Variants in HDAC9 observed in about 807,000 individuals in gnomAD.
HDAC9 encodes MEF-2 interacting transcription repressor (MITR) protein.
In HDAC9, 41 loss-of-function variants were observed where a neutral mutation model predicts 139.4. The ratio of observed to expected loss-of-function variants is 0.29; its 90% CI spans 0.23 to 0.38. The LOEUF (loss-of-function observed/expected upper bound fraction) is 0.38. Among genes scored for constraint, HDAC9 ranks in the 10% least tolerant of loss-of-function variants. The probability of loss-of-function intolerance (pLI) is 1.00; values close to 1 mark genes in which losing one functional copy is unlikely to be tolerated. For missense variants in HDAC9, 1,147 were observed against 1,297.0 expected (o/e 0.88, Z 1.78); for synonymous variants, 517 against 476.2 (o/e 1.09, Z -1.12).
intron 12 of HDAC9, among the ~76,000 whole-genome samples, chr7:18,679,766 C>T (rs1344642278): frequency 2.0e-5 from 3 of 151,734 alleles, no homozygotes; most frequent in African/African-American, 7.3e-5. Context: ...CTATTTATAA[C>T]ATCTAAATAC....
chr7:18,697,002 C>T (rs747923064), intron 12 of HDAC9, among the ~76,000 whole-genome samples: 10 of 151,934 alleles, frequency 6.6e-5, no homozygotes, highest in Non-Finnish European at 8.8e-5. Context: ...CAACTTATTA[C>T]GGAGAAATAA....
At chr7:18,339,774 T>C (rs762262556) in intron 1 of HDAC9, among the ~76,000 whole-genome samples, 2 of 151,528 alleles carry the variant, frequency 1.3e-5, no homozygotes, top group Non-Finnish European at 3.0e-5. Context: ...ATTAATTCTT[T>C]TAAATTTCTT....
intron 1 of HDAC9, among the ~76,000 whole-genome samples, chr7:18,337,927 T>A (rs1432803738): frequency 6.6e-6 from 1 of 151,754 alleles, no homozygotes; most frequent in Non-Finnish European, 1.5e-5. Context: ...AAAATAAATG[T>A]AACATTATCC....
At position 18,368,938 on chromosome 7, in the gene HDAC9, A is replaced by G. The variant is rs1288291112; in HGVS notation, c.-42+78423A>G. On this transcript the variant is annotated intron_variant, in intron 1 of 3. Coordinates refer to the HDAC9 transcript ENST00000413509. Reference sequence around the variant, plus strand: ...TATAAATATCTAGATAGTGATTGTAAATTAAACTTGTATTCCATCTGCTAT... The same window carrying G: ...TATAAATATCTAGATAGTGATTGTAGATTAAACTTGTATTCCATCTGCTAT... Among the ~76,000 whole-genome samples, 11 of 152,102 alleles carry G rather than the reference A, an allele frequency of 7.2e-5. No homozygotes were observed. In the East Asian group the frequency reaches 2.1e-3, roughly 29 times the overall value.
chr7:18,189,938 TG>T (rs1317684032), intron 2 of HDAC9, among the ~76,000 whole-genome samples: 33 of 152,186 alleles, frequency 2.2e-4, no homozygotes, highest in African/African-American at 7.7e-4. Context: ...TGTGTGTGTG[TG>T]TGTGTGTGTG....
rs577983309 is a variant in HDAC9 at position 18,258,456 on chromosome 7, G to A, written c.25+96107G>A. Among the ~76,000 whole-genome samples the A allele has an allele frequency of 4.6e-5, 7 of 152,274 alleles. No homozygotes were observed. The South Asian group carries it at 1.2e-3, about 27-fold the overall frequency. On this transcript the variant is annotated intron_variant, in intron 2 of 12. Transcript: ENST00000417496. ...CCCCAAGCAATGTACACTGTACCCA[G>A]TGTGTAGTCTTTTGTCCCTTACCCC...
intron 12 of HDAC9, among the ~76,000 whole-genome samples, chr7:18,718,592 T>C (rs1229345997): frequency 6.6e-6 from 1 of 152,208 alleles, no homozygotes; most frequent in Non-Finnish European, 1.5e-5. Context: ...TGTTGTAGCA[T>C]GTATCACTGT....
chr7:18,574,244 C>T (rs1563333953), intron 2 of HDAC9, among the ~76,000 whole-genome samples: 2 of 152,166 alleles, frequency 1.3e-5, no homozygotes, highest in South Asian at 2.1e-4. Flanking sequence ...AGAGGAGACC[C>T]ACAGTGGGTA....
At position 18,661,471 on chromosome 7, in the gene HDAC9, A is replaced by G. The variant is rs944727990; in HGVS notation, c.1468-4742A>G. Among the ~76,000 whole-genome samples, 10 of 152,270 alleles carry G rather than the reference A, an allele frequency of 6.6e-5. 1 individual carries two copies. Among genetic ancestry groups the G allele is most frequent in the Middle Eastern group, 3.4e-3 (1 of 294 alleles). ...ATTAATCCAGTTGTCATGAGAATAT[A>G]TAGCTATTTCAGAGCAAAATGTGGA... On this transcript the variant is annotated intron_variant, in intron 11 of 25. Transcript: ENST00000686413.
In HDAC9 at chr7:18,852,118, T is replaced by C. The variant is rs570819774; in HGVS notation, c.2684+16121T>C. Among the ~76,000 whole-genome samples, 7 of 152,320 alleles carry C rather than the reference T, an allele frequency of 4.6e-5. No individual in the cohort carries two copies. In the East Asian group the frequency reaches 1.4e-3, roughly 29 times the overall value. ...TTAGCCTTTGGTGCTTTGAGGTATC[T>C]TTCATGTGCGTAAAGCTGCCTTACA... On this transcript the variant is annotated intron_variant, in intron 21 of 25. Coordinates refer to ENST00000686413, the MANE Select transcript of HDAC9 (RefSeq NM_178425.4).
chr7:18,799,421 T>G (rs1243845044), intron 17 of HDAC9, among the ~76,000 whole-genome samples: 1 of 152,124 alleles, frequency 6.6e-6, no homozygotes, highest in Non-Finnish European at 1.5e-5. Flanking sequence ...GAAAAACAAA[T>G]CAGTCAATAA....
chr7:18,794,123 T>G (rs1006372483), intron 17 of HDAC9, among the ~76,000 whole-genome samples: 7 of 152,180 alleles, frequency 4.6e-5, no homozygotes. Context: ...ACAGTGCTAT[T>G]TAAAGGTACG....
At chr7:18,190,311 A>G (rs1369299296) in intron 2 of HDAC9, among the ~76,000 whole-genome samples, 4 of 152,232 alleles carry the variant, frequency 2.6e-5, no homozygotes, top group Non-Finnish European at 5.9e-5. Context: ...ATACATATAC[A>G]TATATAAATG....
chr7:18,354,590 G>A (rs919705890), intron 1 of HDAC9, among the ~76,000 whole-genome samples: 13 of 152,126 alleles, frequency 8.5e-5, no homozygotes, highest in East Asian at 3.8e-4. Context: ...TGCGCTGTAC[G>A]TAAGAATTAA....
chr7:18,325,242 A>G (rs1302362936), intron 1 of HDAC9, among the ~76,000 whole-genome samples: 6 of 152,146 alleles, frequency 3.9e-5, no homozygotes, highest in African/African-American at 1.4e-4. Flanking sequence ...TTAATTTTTG[A>G]TGCTCAGCGC....
intron 17 of HDAC9, among the ~76,000 whole-genome samples, chr7:18,816,477 GTTAAT>G (rs769674980): frequency 6.6e-6 from 1 of 152,158 alleles, no homozygotes; most frequent in African/African-American, 2.4e-5. Flanking sequence ...ATTCATACTG[GTTAAT>G]TTGAGATTGC....
intron 16 of HDAC9, among the ~76,000 whole-genome samples, chr7:18,768,792 T>C (rs1029677948): frequency 1.3e-5 from 2 of 152,138 alleles, no homozygotes; most frequent in Non-Finnish European, 2.9e-5. Context: ...ATGGTTCAAT[T>C]TATGATTTTT....
chr7:18,307,391 A>G (rs945462434), intron 1 of HDAC9, among the ~76,000 whole-genome samples: 1 of 152,306 alleles, frequency 6.6e-6, no homozygotes, highest in Admixed American at 6.5e-5. Context: ...AATAATGGTA[A>G]TTGTTCAAGA....
At chr7:18,620,434 T>A (rs745562023) in intron 6 of HDAC9, among the ~76,000 whole-genome samples, 1 of 151,998 alleles carries the variant, frequency 6.6e-6, no homozygotes. Context: ...TATTTTTTCC[T>A]GTTTGTCCTA....
Sources: allele counts gnomAD v4.1 joint callset (sites outside exome capture counted in the v4.1 genomes callset), GRCh38; gene constraint gnomAD v4.1.1; transcripts MANE v1.5; gene names NCBI Gene and HGNC (gene_info 2026-07-23, HGNC 2026-07-21).